Variants in ARFGEF1 observed in about 807,000 individuals in gnomAD.
ARFGEF1 encodes the protein brefeldin A-inhibited guanine nucleotide-exchange protein 1.
A neutral mutation model predicts 231.0 loss-of-function variants in ARFGEF1; 42 were observed. That is an observed-to-expected ratio of 0.18 (90% CI 0.14 to 0.24). The LOEUF (loss-of-function observed/expected upper bound fraction) is 0.24. ARFGEF1 is among the 10% of genes least tolerant of loss of function. The pLI is 1.00. For missense variants in ARFGEF1, 1,345 were observed against 2,192.0 expected, an observed-to-expected ratio of 0.61 and a Z score of 7.72; for synonymous variants, 710 against 732.3, an observed-to-expected ratio of 0.97 and a Z score of 0.49.
downstream of ARFGEF1, chr8:67,195,794 AG>A (rs1489643509): frequency 9.2e-6 from 5 of 542,334 alleles, no homozygotes; most frequent in South Asian, 2.4e-5. Context: ...AGAATTGTAT[AG>A]ATTATTTTTG....
At chr8:67,341,768 G>T (rs373591612) in intron 1 of ARFGEF1, among the ~76,000 whole-genome samples, 1 of 152,168 alleles carries the variant, frequency 6.6e-6, no homozygotes, top group Non-Finnish European at 1.5e-5. Flanking sequence ...TATAAATACA[G>T]TTTTTGCCAC....
chr8:67,265,026 G>C (rs781470398), intron 14 of ARFGEF1, among the ~76,000 whole-genome samples: 4 of 152,148 alleles, frequency 2.6e-5, no homozygotes, highest in Non-Finnish European at 5.9e-5. Context: ...ACTAGACCAA[G>C]AGCCTCTCAG....
At chr8:67,251,219 GC>G in intron 19 of ARFGEF1, 79 bp downstream of exon 19, 2 of 1,303,620 alleles carry the variant, frequency 1.5e-6, no homozygotes, top group Middle Eastern at 2.2e-4. Context: ...TCACTGTATC[GC>G]TTCCTTAACT....
At chr8:67,192,079 T>G (rs368513522) in intron 5 of ARFGEF1, among the ~76,000 whole-genome samples, 1 of 105,802 alleles carries the variant, frequency 9.5e-6, no homozygotes, top group African/African-American at 3.2e-5. Flanking sequence ...TTTTTTTTTG[T>G]TTTTTTTTTT....
intron 22 of ARFGEF1, among the ~76,000 whole-genome samples, chr8:67,234,813 T>G (rs891561977): frequency 6.6e-6 from 1 of 152,078 alleles, no homozygotes; most frequent in East Asian, 1.9e-4. Context: ...ATCAGAGAGA[T>G]AAACTAAAAG....
downstream of ARFGEF1, chr8:67,174,297 C>G (rs948420473): frequency 1.3e-5 from 2 of 151,914 alleles, no homozygotes; most frequent in African/African-American, 4.8e-5. Flanking sequence ...CTATTTTGTT[C>G]TTTTGATAAT....
At chr8:67,177,705 T>G (rs1232963161) in intron 5 of ARFGEF1, 1 of 1,612,158 alleles carries the variant, frequency 6.2e-7, no homozygotes, top group Admixed American at 1.7e-5. Flanking sequence ...TCCCAAGTGC[T>G]AAAGTACGAG....
intron 17 of ARFGEF1, among the ~76,000 whole-genome samples, chr8:67,255,032 C>T (rs536703736): frequency 6.6e-6 from 1 of 152,218 alleles, no homozygotes; most frequent in African/African-American, 2.4e-5. Flanking sequence ...TTAAAATCAC[C>T]TGGAAATTTT....
chr8:67,261,995 C>G (rs1395768940), intron 14 of ARFGEF1, among the ~76,000 whole-genome samples: 1 of 151,998 alleles, frequency 6.6e-6, no homozygotes, highest in African/African-American at 2.4e-5. Flanking sequence ...AGAGATACTA[C>G]TTAAAAGCTG....
intron 5 of ARFGEF1, among the ~76,000 whole-genome samples, chr8:67,186,930 A>C (rs1834761536): frequency 6.6e-6 from 1 of 152,198 alleles, no homozygotes; most frequent in Non-Finnish European, 1.5e-5. Context: ...CACTTACATT[A>C]GCATTCCCCC....
At chr8:67,308,851 C>G (rs1250654833) in intron 1 of ARFGEF1, among the ~76,000 whole-genome samples, 1 of 151,922 alleles carries the variant, frequency 6.6e-6, no homozygotes, top group Non-Finnish European at 1.5e-5. Context: ...TATGTTTTTA[C>G]TATATGGAAT....
At chr8:67,211,345 C>CAAAAAAA (rs375793043) in intron 34 of ARFGEF1, 138 bp downstream of exon 34, 20 of 247,278 alleles carry the variant, frequency 8.1e-5, no homozygotes, top group African/African-American at 5.3e-4. Flanking sequence ...AACTCCGTCT[C>CAAAAAAA]AAAAAAAAAA....
Position 67,336,438 on chromosome 8 carries a change from A to T in ARFGEF1, c.124+6726T>A, listed in dbSNP as rs1233212745. Among the ~76,000 whole-genome samples, 2 of 152,184 alleles carry T rather than the reference A, an allele frequency of 1.3e-5. 1 individual carries two copies. Among genetic ancestry groups the T allele is most frequent in the Non-Finnish European group, 2.9e-5 (2 of 68,024 alleles). On this transcript the variant is annotated intron_variant, in intron 1 of 38. Transcript: ENST00000262215. ...AAGGCTGCCTTAATAAATTACCATA[A>T]ATTTGGTGGCTTAAAACAACAGAAA...
intron 1 of ARFGEF1, 104 bp downstream of exon 1, chr8:67,343,060 G>A (rs1370500849): frequency 1.8e-5 from 24 of 1,355,262 alleles, no homozygotes; most frequent in Admixed American, 2.3e-5. Flanking sequence ...CGAGGTCAGA[G>A]GCGCGGGCCT....
chr8:67,219,048 C>A (rs909321676), intron 30 of ARFGEF1, among the ~76,000 whole-genome samples: 1 of 152,150 alleles, frequency 6.6e-6, no homozygotes, highest in African/African-American at 2.4e-5. Context: ...CTCACAGCAA[C>A]CTCCACCTCC....
chr8:67,252,107 T>C (rs1840304273), intron 18 of ARFGEF1, among the ~76,000 whole-genome samples: 1 of 151,786 alleles, frequency 6.6e-6, no homozygotes, highest in Admixed American at 6.6e-5. Context: ...CTGTCTCTAC[T>C]AAAAATACAA....
chr8:67,269,063 T>C (rs1466515240), intron 10 of ARFGEF1, among the ~76,000 whole-genome samples: 1 of 152,216 alleles, frequency 6.6e-6, no homozygotes, highest in African/African-American at 2.4e-5. Flanking sequence ...CCTATCATAA[T>C]AGGGGCTCTA....
At chr8:67,246,954 C>A (rs1255791080) in intron 19 of ARFGEF1, among the ~76,000 whole-genome samples, 3 of 150,106 alleles carry the variant, frequency 2.0e-5, no homozygotes, top group Non-Finnish European at 4.4e-5. Flanking sequence ...TTCTTAGTGG[C>A]TACTCTGAGC....
Position 67,204,692 on chromosome 8 carries a change from T to C in ARFGEF1, c.4947A>G (p.Leu1649=), listed in dbSNP as rs1435389461. The change falls in exon 35 of 39, where the codon TTA becomes TTG. Residue 1649 remains leucine (L), a synonymous_variant. Coordinates refer to ENST00000262215, the MANE Select transcript of ARFGEF1 (RefSeq NM_006421.5). The part of the protein sequence containing the change: ...ATSKKEDAEN[L]AAAQRDAVDF... ...CCTATCTCCTTACCTGTGCTGCAGC[T>C]AAGTTTTCTGCATCTTCTTTCTTAC... 3 of 1,613,622 alleles carry C rather than the reference T, an allele frequency of 1.9e-6. No individual in the cohort carries two copies.
Sources: gnomAD v4.1 joint callset for allele counts (sites outside exome capture counted in the v4.1 genomes callset) on GRCh38, gnomAD v4.1.1 for gene constraint, MANE v1.5 for transcripts, NCBI Gene and HGNC (gene_info 2026-07-23, HGNC 2026-07-21) for gene names.